Variants in RGS8 observed in about 807,000 individuals in gnomAD.
The protein encoded by RGS8 is regulator of G-protein signaling 8.
Under a neutral mutation model 21.7 loss-of-function variants are expected in RGS8, and 8 were observed. The ratio of observed to expected loss-of-function variants is 0.37; its 90% CI spans 0.22 to 0.66. The LOEUF is 0.66. RGS8 is among the 30% of genes least tolerant of loss of function. RGS8 has a pLI of 0.59. For synonymous variants in RGS8, 80 were observed against 83.6 expected (o/e 0.96, Z 0.24); for missense variants, 157 against 217.9 (o/e 0.72, Z 1.76).
At chr1:182,735,755 A>T in the RGS8 span, among the ~76,000 whole-genome samples, 3 of 152,190 alleles carry the variant, frequency 2.0e-5, no homozygotes, top group Non-Finnish European at 4.4e-5. Flanking sequence ...CTATATTCAC[A>T]AGAGATGTAT....
chr1:182,672,760 T>C, upstream of RGS8: 1 of 1,601,194 alleles, frequency 6.2e-7, no homozygotes. Context: ...CTGCCCGATC[T>C]GCACATGATC....
At position 182,681,733 on chromosome 1, in the gene RGS8, G is replaced by A. The variant is rs1664540861; in HGVS notation, n.221+2623C>T. ...GTGCACGTTAATGTCTGAGCTGGAG[G>A]CGGGAGGAGGGACGAGGGCTGTGTG... is the stretch of plus-strand genomic sequence containing the variant. On this transcript the variant is annotated intron_variant and non_coding_transcript_variant, in intron 1 of 4. Coordinates refer to the RGS8 transcript ENST00000515211. Among the ~76,000 whole-genome samples the A allele has an allele frequency of 2.0e-5, 3 of 152,358 alleles. No homozygotes were observed. The South Asian group carries it at 6.2e-4, about 32-fold the overall frequency.
chr1:182,689,969 T>C, the RGS8 span, among the ~76,000 whole-genome samples: 8 of 152,274 alleles, frequency 5.3e-5, no homozygotes, highest in African/African-American at 1.9e-4. Flanking sequence ...TGAATAATCC[T>C]TGGACTTCAT....
At chr1:182,706,291 G>A in the RGS8 span, among the ~76,000 whole-genome samples, 1 of 151,972 alleles carries the variant, frequency 6.6e-6, no homozygotes, top group Non-Finnish European at 1.5e-5. Flanking sequence ...ACCTGGCCTG[G>A]AGATATGTTT....
At chr1:182,747,041 G>GACTGTTTTTTT in the RGS8 span, among the ~76,000 whole-genome samples, 1 of 26,194 alleles carries the variant, frequency 3.8e-5, no homozygotes, top group Non-Finnish European at 1.1e-4. Flanking sequence ...AACACTGCTG[G>GACTGTTTTTTT]TCTTTTTTTT....
At chr1:182,733,535 C>T in the RGS8 span, among the ~76,000 whole-genome samples, 1 of 152,098 alleles carries the variant, frequency 6.6e-6, no homozygotes, top group Admixed American at 6.5e-5. Flanking sequence ...CAAGCTTAGG[C>T]CAGGATAGGG....
upstream of RGS8, among the ~76,000 whole-genome samples, chr1:182,676,967 T>G (rs1285993154): frequency 1.3e-5 from 2 of 152,220 alleles, no homozygotes; most frequent in Non-Finnish European, 2.9e-5. Flanking sequence ...ATGGGGGAAA[T>G]GCCCTGTAAA....
chr1:182,730,300 T>G, the RGS8 span, among the ~76,000 whole-genome samples: 1 of 152,168 alleles, frequency 6.6e-6, no homozygotes, highest in Non-Finnish European at 1.5e-5. Flanking sequence ...AAGGATCAGT[T>G]GAGTAAAACA....
the RGS8 span, among the ~76,000 whole-genome samples, chr1:182,742,459 G>C: frequency 6.6e-6 from 1 of 152,230 alleles, no homozygotes; most frequent in Admixed American, 6.5e-5. Flanking sequence ...ATTGAGCACT[G>C]AGTGAACGAG....
chr1:182,737,185 C>T, the RGS8 span, among the ~76,000 whole-genome samples: 1 of 152,010 alleles, frequency 6.6e-6, no homozygotes, highest in Non-Finnish European at 1.5e-5. Flanking sequence ...GGTGTCTAAT[C>T]TCCCTCTGCC....
the RGS8 span, among the ~76,000 whole-genome samples, chr1:182,724,693 G>A: frequency 3.9e-5 from 6 of 152,022 alleles, no homozygotes; most frequent in Non-Finnish European, 8.8e-5. Flanking sequence ...GAGTAGCTGG[G>A]ATTACAGGCG....
the RGS8 span, among the ~76,000 whole-genome samples, chr1:182,739,790 G>A: frequency 0.018 from 2,783 of 152,092 alleles, 35 homozygotes; most frequent in Non-Finnish European, 0.025. Context: ...GCAGTTACCT[G>A]GCAACAGCGA....
intron 5 of RGS8, among the ~76,000 whole-genome samples, chr1:182,657,713 T>C (rs1038241292): frequency 4.6e-5 from 7 of 152,252 alleles, no homozygotes; most frequent in Non-Finnish European, 7.3e-5. Flanking sequence ...ACTTGTAAGA[T>C]GCAGGTCCTA....
intron 1 of RGS8, among the ~76,000 whole-genome samples, chr1:182,682,749 A>T (rs1028738938): frequency 1.1e-4 from 17 of 152,132 alleles, no homozygotes; most frequent in African/African-American, 2.4e-5. Flanking sequence ...AACTCTGCCT[A>T]TTCAGCTCAT....
chr1:182,741,260 G>A, the RGS8 span, among the ~76,000 whole-genome samples: 4 of 142,238 alleles, frequency 2.8e-5, no homozygotes, highest in Non-Finnish European at 6.1e-5. Flanking sequence ...AGGCGCGGCC[G>A]GGCAGAAGCT....
intron 2 of RGS8, 127 bp from the exon 4 acceptor site, chr1:182,669,879 C>T (rs1664071007): frequency 1.9e-6 from 2 of 1,081,002 alleles, no homozygotes; most frequent in South Asian, 2.0e-5. Context: ...CCACAAATGT[C>T]CACTTGTCCT....
At chr1:182,669,097 C>T (rs1225097885) in intron 3 of RGS8, among the ~76,000 whole-genome samples, 1 of 152,192 alleles carries the variant, frequency 6.6e-6, no homozygotes, top group African/African-American at 2.4e-5. Context: ...CTGTGATTCT[C>T]CCAAATAGTT....
At chr1:182,680,647 A>ATTCAT (rs1664507815) in intron 1 of RGS8, among the ~76,000 whole-genome samples, 1 of 113,748 alleles carries the variant, frequency 8.8e-6, no homozygotes, top group South Asian at 2.7e-4. Context: ...CATTCATCTG[A>ATTCAT]CTAACATTTA....
the RGS8 span, among the ~76,000 whole-genome samples, chr1:182,748,329 T>C: frequency 6.6e-6 from 1 of 152,240 alleles, no homozygotes; most frequent in African/African-American, 2.4e-5. Flanking sequence ...GTGATAACTT[T>C]GTAAAGATTT....
Sources: allele counts gnomAD v4.1 joint callset (sites outside exome capture counted in the v4.1 genomes callset), GRCh38; gene constraint gnomAD v4.1.1; transcripts MANE v1.5; gene names NCBI Gene and HGNC (gene_info 2026-07-23, HGNC 2026-07-21).